GGA1: variants seen among roughly 807,000 people sequenced by gnomAD.
GGA1 encodes the protein ADP-ribosylation factor-binding protein GGA1.
In GGA1, 18 loss-of-function variants were observed where a neutral mutation model predicts 76.9. That is an observed-to-expected ratio of 0.23 (90% CI 0.16 to 0.35). The LOEUF (loss-of-function observed/expected upper bound fraction) is 0.35. Among genes scored for constraint, GGA1 ranks in the 10% least tolerant of loss-of-function variants. The pLI, the probability that GGA1 is intolerant of heterozygous loss-of-function variation, is 1.00. For missense variants in GGA1, 755 were observed against 859.0 expected, an observed-to-expected ratio of 0.88 and a Z score of 1.51; for synonymous variants, 342 against 354.7, an observed-to-expected ratio of 0.96 and a Z score of 0.40.
rs1162192810 is a variant in GGA1 at position 37,632,681 on chromosome 22, C to T, written c.1890C>T (p.Phe630=). The change falls in exon 17 of 17, where the codon TTC becomes TTT. Residue 630 remains phenylalanine, a synonymous_variant. Transcript: ENST00000343632. This position sits in a 1 kb window ranked among gnomAD's most constrained non-coding sequence, Gnocchi z 5.1. The part of the protein sequence containing the change: ...TYNEMGDVDQ[F]PPPETWGSL ...ACGAGATGGGGGATGTGGACCAGTT[C>T]CCCCCACCTGAAACCTGGGGTAGCC... 6.2e-7 allele frequency: 1 copy of T among 1,609,164 alleles called. No homozygotes were observed. The highest frequency in any genetic ancestry group is 8.5e-7 in the Non-Finnish European group (1 of 1,176,226).
chr22:37,616,894 C>T (rs1485408530), intron 2 of GGA1, 28 bp from the exon 3 acceptor site: 2 of 1,579,588 alleles, frequency 1.3e-6, no homozygotes, highest in African/African-American at 2.7e-5. Context: ...CGTGGCGACT[C>T]TGGCTCTGTG....
chr22:37,629,401 G>A lies in GGA1; in HGVS notation c.1094-61G>A, dbSNP rs541707553. 1.7e-5 allele frequency: 20 copies of A among 1,200,310 alleles called. No individual in the cohort carries two copies. In the Admixed American group the frequency reaches 1.9e-4, roughly 11 times the overall value. 74.4% of individuals were successfully genotyped at this position (1,200,310 alleles called of 1,614,324 possible). On this transcript the variant is annotated intron_variant, in intron 11 of 16. Coordinates refer to ENST00000343632, the MANE Select transcript of GGA1 (RefSeq NM_013365.5). ...CCCATGCCAGCACACATGGCCCCTC[G>A]GCTCTCTGGCCTCTGCAGGGTCAGC...
At chr22:37,616,836 C>T in intron 2 of GGA1, 86 bp from the exon 3 acceptor site, 1 of 1,433,700 alleles carries the variant, frequency 7.0e-7, no homozygotes, top group Non-Finnish European at 9.1e-7. Flanking sequence ...TGGAGGAGGG[C>T]TGCAGTCCCA....
At chr22:37,628,120 G>A (rs554400172) in intron 11 of GGA1, among the ~76,000 whole-genome samples, 15 of 152,240 alleles carry the variant, frequency 9.9e-5, no homozygotes, top group East Asian at 7.7e-4. Flanking sequence ...GAGCCACTGC[G>A]CCCACCTCTT....
chr22:37,609,015 C>G, intron 1 of GGA1, 112 bp downstream of exon 1: 1 of 1,374,632 alleles, frequency 7.3e-7, no homozygotes, highest in Non-Finnish European at 9.4e-7. Context: ...CGCCCCGCCC[C>G]CGGCCCGGGA....
chr22:37,629,490 C>T lies in GGA1; in HGVS notation c.1122C>T (p.Gly374=), dbSNP rs9622662. ...LGLSDPTPPS[G]PSLDGTGWNS... ...TCAGTGACCCCACACCCCCTTCAGG[C>T]CCAAGCCTGGATGGTACCGGATGGA... Residue 374 remains glycine (G), a synonymous_variant, in exon 12 of 17, where the codon GGC becomes GGT. Coordinates refer to ENST00000343632, the MANE Select transcript of GGA1 (RefSeq NM_013365.5). 6.4e-4 allele frequency: 1,016 copies of T among 1,591,004 alleles called. 11 individuals are homozygous for T. In the African/African-American group the frequency reaches 0.013, roughly 20 times the overall value.
rs1030649880 is a variant in GGA1, at chr22:37,609,059, G to A, written c.43+156G>A. The A allele has an allele frequency of 9.4e-6, 14 of 1,489,102 alleles. No homozygotes were observed. The African/African-American group carries it at 1.9e-4, about 20-fold the overall frequency. The allele number at this position is 1,489,102 out of a possible 1,614,324, so 92.2% of individuals were successfully genotyped here. A position where few individuals can be genotyped will look rare whatever the true frequency, so the allele number is the denominator to read the frequency against. ...GTCCTCAGTCGGCCCCTCAGACCCTGGAGCGATGGAGGACCCCGGCCCCGG... is the reference window on the plus strand; with the variant it reads ...GTCCTCAGTCGGCCCCTCAGACCCTAGAGCGATGGAGGACCCCGGCCCCGG... On this transcript the variant is annotated intron_variant, in intron 1 of 16. Coordinates refer to ENST00000343632, the MANE Select transcript of GGA1 (RefSeq NM_013365.5).
In GGA1 at chr22:37,614,422, T is replaced by C. The variant is rs1601506777; in HGVS notation, c.128+148T>C. 7 of 637,508 alleles carry C rather than the reference T, an allele frequency of 1.1e-5. No homozygotes were observed. The East Asian group carries it at 2.0e-4, about 18-fold the overall frequency. The allele number at this position is 637,508 out of a possible 1,614,324, so 39.5% of individuals were successfully genotyped here. A position where few individuals can be genotyped will look rare whatever the true frequency, so the allele number is the denominator to read the frequency against. ...ATGGGGCACTTGGCACTGAATGCTGTTTGGGTGTCACTCTCTGGGGTGGGC... is the reference window on the plus strand; with the variant it reads ...ATGGGGCACTTGGCACTGAATGCTGCTTGGGTGTCACTCTCTGGGGTGGGC... On this transcript the variant is annotated intron_variant, in intron 2 of 16. Transcript: ENST00000343632.
chr22:37,631,902 C>T, intron 14 of GGA1, 94 bp from the exon 15 acceptor site: 2 of 1,071,272 alleles, frequency 1.9e-6, no homozygotes, highest in Admixed American at 2.1e-5. Flanking sequence ...GCCAGTACAG[C>T]AGCCAGCTCC....
chr22:37,609,875 G>A (rs1927180693), intron 1 of GGA1, among the ~76,000 whole-genome samples: 1 of 152,218 alleles, frequency 6.6e-6, no homozygotes, highest in Admixed American at 6.5e-5. Flanking sequence ...ACTGTCTAGC[G>A]TGGTTTGGGG....
chr22:37,619,585 T>C (rs1228412783), intron 4 of GGA1, among the ~76,000 whole-genome samples: 2 of 149,872 alleles, frequency 1.3e-5, no homozygotes, highest in East Asian at 2.0e-4. Flanking sequence ...ACCATATTGG[T>C]CAGGCTGGTC....
Position 37,620,139 on chromosome 22 carries a change from C to G in GGA1, c.304-99C>G, listed in dbSNP as rs8141663. 3.2e-3 allele frequency: 4,457 copies of G among 1,397,900 alleles called. 115 individuals carry two copies. The African/African-American group carries it at 0.056, about 18-fold the overall frequency. 86.6% of individuals were successfully genotyped at this position (1,397,900 alleles called of 1,614,324 possible). A position where few individuals can be genotyped will look rare whatever the true frequency, so the allele number is the denominator to read the frequency against. On this transcript the variant is annotated intron_variant, in intron 4 of 16. Transcript: ENST00000343632. Reference sequence around the variant, plus strand: ...AGGACCCTGTAGGCTAGAGGGCTTCCCGGGGAGTCCTGGGGAGGCAGTAGG... The same window carrying G: ...AGGACCCTGTAGGCTAGAGGGCTTCGCGGGGAGTCCTGGGGAGGCAGTAGG...
chr22:37,626,713 GA>G lies in GGA1; in HGVS notation c.1093+766del, dbSNP rs751380448. On this transcript the variant is annotated intron_variant, in intron 11 of 16. Transcript: ENST00000343632. The stretch of plus-strand genomic sequence containing the variant: ...AAAAACCAGACCCGAAGGCCTTGAA[GA>G]AGTGATGGGGACCCGGGGCGCCCTG... The G allele has an allele frequency of 2.6e-5, 4 of 152,344 alleles. No homozygotes were observed. In the East Asian group the frequency reaches 5.8e-4, roughly 22 times the overall value. 9.4% of individuals were successfully genotyped at this position (152,344 alleles called of 1,614,324 possible).
intron 2 of GGA1, among the ~76,000 whole-genome samples, chr22:37,614,769 A>G (rs1186452795): frequency 1.3e-5 from 2 of 151,738 alleles, no homozygotes; most frequent in Non-Finnish European, 2.9e-5. Context: ...ACCTGAGGTC[A>G]GGAGTTTGAG....
intron 7 of GGA1, among the ~76,000 whole-genome samples, chr22:37,622,733 A>G (rs1256119352): frequency 6.6e-6 from 1 of 152,228 alleles, no homozygotes. Context: ...TAATCCCAGC[A>G]CTTTGGAGGC....
intron 2 of GGA1, among the ~76,000 whole-genome samples, chr22:37,614,990 C>T (rs1028343207): frequency 9.9e-5 from 15 of 152,058 alleles, no homozygotes; most frequent in African/African-American, 3.6e-4. Flanking sequence ...AAAAACAAAA[C>T]AAAGAATTAC....
intron 1 of GGA1, among the ~76,000 whole-genome samples, chr22:37,612,308 CAAAA>C (rs569774905): frequency 8.9e-6 from 1 of 111,960 alleles, no homozygotes. Flanking sequence ...ACTAAAAATA[CAAAA>C]AAAAAAAAAA....
Position 37,632,575 on chromosome 22 carries a change from C to T in GGA1, c.1810-26C>T, listed in dbSNP as rs201042971. 1.1e-3 allele frequency: 1,679 copies of T among 1,592,762 alleles called. 2 individuals carry two copies. The highest frequency in any genetic ancestry group is 1.3e-3 in the Non-Finnish European group (1,553 of 1,160,694). The stretch of plus-strand genomic sequence containing the variant: ...ACGGCCACTTCTCCTCCTCTGACCC[C>T]TCTGCCTTTGCCATCTCTTCCCCAG... On this transcript the variant is annotated intron_variant, in intron 16 of 16. Transcript: ENST00000343632. The surrounding 1 kb of genome is among the most constrained non-coding windows in gnomAD (Gnocchi z 5.1).
In GGA1 at chr22:37,620,289, C is replaced by G. The variant is rs11543985; in HGVS notation, c.355C>G (p.Leu119Val). 122 of 1,613,820 alleles carry G rather than the reference C, an allele frequency of 7.6e-5. No homozygotes were observed. The African/African-American group carries it at 1.6e-3, about 21-fold the overall frequency. ...GGTGAAGAACAAGATCTTGGAGCTC[C>G]TCTACAGCTGGACAGTGGGCCTGCC... is the stretch of plus-strand genomic sequence containing the variant. ...EKVKNKILELLYSWTVGLPEE... is the reference protein window; with the variant it reads ...EKVKNKILELVYSWTVGLPEE... The change falls in exon 5 of 17, where the codon CTC (leucine) becomes GTC (valine). Residue 119 changes from leucine (L) to valine (V), a missense_variant. Transcript: ENST00000343632.
Sources: gnomAD v4.1 joint callset for allele counts (sites outside exome capture counted in the v4.1 genomes callset) on GRCh38, gnomAD v4.1.1 for gene constraint, Gnocchi (gnomAD v3.1) non-coding constraint, MANE v1.5 for transcripts, NCBI Gene and HGNC (gene_info 2026-07-23, HGNC 2026-07-21) for gene names.